Variants in KCNJ6 observed in about 807,000 individuals in gnomAD.
KCNJ6 encodes the protein potassium inwardly rectifying channel subfamily J member 6.
Under a neutral mutation model 34.2 loss-of-function variants are expected in KCNJ6, and 9 were observed. The observed-to-expected ratio is 0.26, with a 90% CI of 0.16 to 0.46. The LOEUF is 0.46. Ranked by LOEUF, KCNJ6 falls within the 20% of genes least tolerant of loss-of-function variation. KCNJ6 has a pLI of 1.00. For missense variants in KCNJ6, 236 were observed against 531.3 expected (o/e 0.44, Z 5.46); for synonymous variants, 196 against 207.1 (o/e 0.95, Z 0.46).
At position 37,714,359 on chromosome 21, in the gene KCNJ6, C is replaced by T. The variant is rs376122684; in HGVS notation, c.798G>A (p.Thr266=). ...ACACCAGAAACAGACGGTCATCCCC[C>T]GTGTAATACCCTACGTTGATATCCG... ...NQTDINVGYY[T]GDDRLFLVSP... Residue 266 remains threonine, a synonymous_variant, in exon 3 of 4, where the codon ACG becomes ACA. Transcript: ENST00000609713. This position sits in a 1 kb window ranked among gnomAD's most constrained non-coding sequence, Gnocchi z 5.9. 294 of 1,614,124 alleles carry T rather than the reference C, an allele frequency of 1.8e-4. No individual in the cohort carries two copies. The East Asian group carries it at 2.0e-3, about 11-fold the overall frequency.
intron 3 of KCNJ6, among the ~76,000 whole-genome samples, chr21:37,651,245 G>A (rs550108290): frequency 1.4e-3 from 217 of 152,282 alleles, no homozygotes; most frequent in African/African-American, 4.9e-3. Flanking sequence ...CTGTGTTGTG[G>A]GGACAGTCAT....
chr21:37,644,913 G>T (rs576259168), intron 3 of KCNJ6, among the ~76,000 whole-genome samples: 21 of 151,486 alleles, frequency 1.4e-4, no homozygotes, highest in South Asian at 1.0e-3. Flanking sequence ...CCTCACCTCC[G>T]CATCCTTTCT....
At chr21:37,768,518 G>A (rs956636036) in intron 2 of KCNJ6, among the ~76,000 whole-genome samples, 1 of 152,180 alleles carries the variant, frequency 6.6e-6, no homozygotes, top group Non-Finnish European at 1.5e-5. Flanking sequence ...TTACAAGATG[G>A]AGGATGACAC....
chr21:37,837,997 G>C (rs2226357), intron 2 of KCNJ6, among the ~76,000 whole-genome samples: 29,518 of 152,122 alleles, frequency 0.19, 4,704 homozygotes, highest in East Asian at 0.48. Flanking sequence ...CTGTATCTTT[G>C]TAAGGACCAA....
chr21:37,828,430 A>G (rs9941832), intron 2 of KCNJ6, among the ~76,000 whole-genome samples: 39,556 of 152,088 alleles, frequency 0.26, 6,914 homozygotes, highest in East Asian at 0.49. Context: ...AGCTGAATTC[A>G]GGGAGCCTGT....
At chr21:37,780,309 G>C (rs985505793) in intron 2 of KCNJ6, among the ~76,000 whole-genome samples, 1 of 152,144 alleles carries the variant, frequency 6.6e-6, no homozygotes, top group African/African-American at 2.4e-5. Context: ...GAGGTCTAGG[G>C]AGATAGAGGA....
At chr21:37,707,318 C>T (rs1351831302) in intron 3 of KCNJ6, among the ~76,000 whole-genome samples, 1 of 152,224 alleles carries the variant, frequency 6.6e-6, no homozygotes, top group African/African-American at 2.4e-5. Flanking sequence ...TGCCCGGCCT[C>T]CTGTCCCCGC....
chr21:37,912,533 G>A (rs984859322), intron 1 of KCNJ6, among the ~76,000 whole-genome samples: 2 of 152,088 alleles, frequency 1.3e-5, no homozygotes, highest in East Asian at 1.9e-4. Context: ...CATAATGAAC[G>A]TCTACTTCCC....
At chr21:37,657,365 C>G (rs1056519651) in intron 3 of KCNJ6, among the ~76,000 whole-genome samples, 1 of 152,098 alleles carries the variant, frequency 6.6e-6, no homozygotes, top group Admixed American at 6.6e-5. Flanking sequence ...CCTGGGGGCC[C>G]CATTTGTGCT....
At chr21:37,687,314 A>AT (rs1166142899) in intron 3 of KCNJ6, among the ~76,000 whole-genome samples, 3 of 152,148 alleles carry the variant, frequency 2.0e-5, no homozygotes, top group African/African-American at 7.2e-5. Flanking sequence ...TTCAGTTGTC[A>AT]TGCAAGCAAG....
At chr21:37,805,206 G>A (rs1016713922) in intron 2 of KCNJ6, among the ~76,000 whole-genome samples, 1 of 152,052 alleles carries the variant, frequency 6.6e-6, no homozygotes, top group African/African-American at 2.4e-5. Context: ...GCATGAATTT[G>A]TGAAGACACC....
chr21:37,716,354 T>C (rs1305400026), intron 2 of KCNJ6, among the ~76,000 whole-genome samples: 6 of 151,184 alleles, frequency 4.0e-5, no homozygotes, highest in African/African-American at 1.5e-4. Flanking sequence ...CTTGTGGTTA[T>C]TTTTTTTCTT....
chr21:37,635,544 T>A (rs566657833), intron 3 of KCNJ6, among the ~76,000 whole-genome samples: 1 of 151,766 alleles, frequency 6.6e-6, no homozygotes, highest in African/African-American at 2.4e-5. Context: ...TGAGACAGGG[T>A]CTCTCTCTGT....
intron 1 of KCNJ6, among the ~76,000 whole-genome samples, chr21:37,848,929 C>A (rs73423422): frequency 0.018 from 2,773 of 152,258 alleles, 88 homozygotes; most frequent in African/African-American, 0.063. Context: ...CAATGTTTCA[C>A]GAATTTCCCC....
At chr21:37,724,570 G>C (rs1431238927) in intron 2 of KCNJ6, among the ~76,000 whole-genome samples, 4 of 152,170 alleles carry the variant, frequency 2.6e-5, no homozygotes, top group African/African-American at 9.7e-5. Flanking sequence ...AGTGTGGAGG[G>C]GAGTGGGCAG....
rs142596324 is a variant in KCNJ6 at position 37,746,226 on chromosome 21, G to C, written c.26-31095C>G. Among the ~76,000 whole-genome samples the C allele has an allele frequency of 5.9e-5, 9 of 152,336 alleles. No homozygotes were observed. In the East Asian group the frequency reaches 1.7e-3, roughly 29 times the overall value. On this transcript the variant is annotated intron_variant, in intron 2 of 3. Coordinates refer to ENST00000609713, the MANE Select transcript of KCNJ6 (RefSeq NM_002240.5). ...AACTCAGTCCATAGCAGATGGGAAT[G>C]GGGAGATGGTGGACTAACTGTCTTG...
At chr21:37,830,432 T>C (rs1461432931) in intron 2 of KCNJ6, among the ~76,000 whole-genome samples, 1 of 151,930 alleles carries the variant, frequency 6.6e-6, no homozygotes, top group Admixed American at 6.6e-5. Context: ...CCCCTGGGGG[T>C]GACTTTGCTC....
rs1410739814 is a variant in KCNJ6 at position 37,616,608 on chromosome 21, T to TATATATATATATATATATATAC, written c.*8550_*8551insGTATATATATATATATATATAT. On this transcript the variant is annotated 3_prime_UTR_variant, in exon 4 of 4. Coordinates refer to ENST00000609713, the MANE Select transcript of KCNJ6 (RefSeq NM_002240.5). Reference sequence around the variant, plus strand: ...AAATGTACATATATATATATATATATATATATATGGTTAGACTCTGAACAT... The same window carrying TATATATATATATATATATATAC: ...AAATGTACATATATATATATATATATATATATATATATATATATATACATATATATGGTTAGACTCTGAACAT... 63 of 127,586 alleles carry TATATATATATATATATATATAC rather than the reference T, an allele frequency of 4.9e-4. 6 individuals are homozygous for TATATATATATATATATATATAC. Among genetic ancestry groups the TATATATATATATATATATATAC allele is most frequent in the Non-Finnish European group, 9.4e-4 (57 of 60,752 alleles). The allele number at this position is 127,586 out of a possible 1,614,324, so 7.9% of individuals were successfully genotyped here. A position where few individuals can be genotyped will look rare whatever the true frequency, so the allele number is the denominator to read the frequency against.
At chr21:37,876,972 T>A (rs928927131) in intron 1 of KCNJ6, among the ~76,000 whole-genome samples, 3 of 152,204 alleles carry the variant, frequency 2.0e-5, no homozygotes, top group Non-Finnish European at 2.9e-5. Flanking sequence ...TAGTTTTTCT[T>A]GTGGGGTCCA....
Sources: gnomAD v4.1 joint callset for allele counts (sites outside exome capture counted in the v4.1 genomes callset) on GRCh38, gnomAD v4.1.1 for gene constraint, Gnocchi (gnomAD v3.1) non-coding constraint, MANE v1.5 for transcripts, NCBI Gene and HGNC (gene_info 2026-07-23, HGNC 2026-07-21) for gene names.